The following TEX9 variants were observed in gnomAD, a reference collection of about 807,000 sequenced individuals.
The protein encoded by TEX9 is testis-expressed protein 9.
In TEX9, 74 loss-of-function variants were observed where a neutral mutation model predicts 59.6. The observed-to-expected ratio is 1.24, with a 90% confidence interval of 1.03 to 1.51. The LOEUF is 1.51. Among genes scored for constraint, TEX9 ranks in the 40% most tolerant of loss-of-function variants. The pLI is 0.00. For missense variants in TEX9, 522 were observed against 447.8 expected, an observed-to-expected ratio of 1.17 and a Z score of -1.49; for synonymous variants, 186 against 152.2, an observed-to-expected ratio of 1.22 and a Z score of -1.64.
chr15:56,269,715 T>C (rs2718937), intron 1 of TEX9, among the ~76,000 whole-genome samples: 146,812 of 149,780 alleles, frequency 0.98, 72,020 homozygotes, highest in Middle Eastern at 1. Flanking sequence ...TACAGAGGTG[T>C]GATGTCGGCT....
chr15:56,324,581 G>A (rs1226843244), intron 1 of TEX9, among the ~76,000 whole-genome samples: 1 of 152,188 alleles, frequency 6.6e-6, no homozygotes, highest in African/African-American at 2.4e-5. Context: ...TGTGGATTAT[G>A]TAGGAATATT....
chr15:56,252,454 G>A (rs987279100), intron 1 of TEX9, among the ~76,000 whole-genome samples: 1 of 124,228 alleles, frequency 8.0e-6, no homozygotes, highest in African/African-American at 3.1e-5. Flanking sequence ...TAATAAGAAA[G>A]CTCAATATCT....
chr15:56,353,206 G>C (rs1383083514), intron 1 of TEX9, among the ~76,000 whole-genome samples: 1 of 152,042 alleles, frequency 6.6e-6, no homozygotes, highest in Non-Finnish European at 1.5e-5. Context: ...ATATAAGCTT[G>C]TTTTAATTAA....
intron 1 of TEX9, among the ~76,000 whole-genome samples, chr15:56,304,790 A>G (rs2141587712): frequency 6.6e-6 from 1 of 152,218 alleles, no homozygotes; most frequent in East Asian, 1.9e-4. Flanking sequence ...TGGTGCAATC[A>G]TGGCTGACTG....
At chr15:56,283,799 T>C (rs2044876153) in intron 1 of TEX9, among the ~76,000 whole-genome samples, 1 of 151,866 alleles carries the variant, frequency 6.6e-6, no homozygotes, top group African/African-American at 2.4e-5. Flanking sequence ...AACATAAACC[T>C]GGAAGAAAAA....
At chr15:56,330,318 A>G (rs2046113907) in intron 1 of TEX9, among the ~76,000 whole-genome samples, 1 of 152,168 alleles carries the variant, frequency 6.6e-6, no homozygotes, top group African/African-American at 2.4e-5. Flanking sequence ...ACATTAATGA[A>G]CAAGAAGAAA....
intron 9 of TEX9, among the ~76,000 whole-genome samples, chr15:56,399,300 A>G (rs1406454298): frequency 1.3e-5 from 2 of 152,362 alleles, no homozygotes; most frequent in East Asian, 3.9e-4. Context: ...GCAGACAAGG[A>G]GATTCTCTCC....
chr15:56,368,030 G>T (rs751012825), intron 2 of TEX9, among the ~76,000 whole-genome samples: 1 of 152,132 alleles, frequency 6.6e-6, no homozygotes, highest in Non-Finnish European at 1.5e-5. Flanking sequence ...CTTCCCGTGT[G>T]ATATGGAATA....
At chr15:56,336,710 C>T (rs1290180144) in intron 1 of TEX9, among the ~76,000 whole-genome samples, 1 of 152,130 alleles carries the variant, frequency 6.6e-6, no homozygotes. Context: ...AATTGCAGTA[C>T]AGTTGCAACA....
intron 1 of TEX9, among the ~76,000 whole-genome samples, chr15:56,288,290 G>T (rs1294081254): frequency 6.6e-6 from 1 of 151,392 alleles, no homozygotes; most frequent in African/African-American, 2.4e-5. Context: ...TTACTAGTTC[G>T]CTTTTTACTA....
intron 1 of TEX9, among the ~76,000 whole-genome samples, chr15:56,297,562 T>C (rs1318449689): frequency 6.6e-6 from 1 of 152,226 alleles, no homozygotes; most frequent in East Asian, 1.9e-4. Flanking sequence ...TGGAGTGCAG[T>C]GGTGCGATCT....
At chr15:56,459,970 A>G in the TEX9 span, among the ~76,000 whole-genome samples, 1 of 129,100 alleles carries the variant, frequency 7.7e-6, no homozygotes, top group South Asian at 2.6e-4. Context: ...AGCCTGGGCA[A>G]CAAGAGCGAA....
chr15:56,317,675 T>C (rs1596084846), intron 1 of TEX9, among the ~76,000 whole-genome samples: 2 of 152,336 alleles, frequency 1.3e-5, no homozygotes, highest in South Asian at 2.1e-4. Context: ...TAGACATTTC[T>C]AAGTACAGCT....
intron 1 of TEX9, among the ~76,000 whole-genome samples, chr15:56,310,320 T>C (rs1230792654): frequency 6.6e-6 from 1 of 152,044 alleles, no homozygotes; most frequent in African/African-American, 2.4e-5. Context: ...TAATCCCAGC[T>C]ATTTGGGAGG....
At chr15:56,255,397 C>T (rs2044122719) in intron 1 of TEX9, among the ~76,000 whole-genome samples, 1 of 151,840 alleles carries the variant, frequency 6.6e-6, no homozygotes, top group African/African-American at 2.4e-5. Flanking sequence ...CATACACACA[C>T]ATATGGAACA....
the TEX9 span, among the ~76,000 whole-genome samples, chr15:56,457,896 CTT>C: frequency 0.28 from 42,370 of 151,526 alleles, 6,649 homozygotes; most frequent in Middle Eastern, 0.45. Context: ...GAAATGAAAA[CTT>C]TTTATTTAAA....
chr15:56,429,365 A>G, intron 12 of TEX9: 5 of 540,140 alleles, frequency 9.3e-6, no homozygotes, highest in Non-Finnish European at 1.6e-5. Flanking sequence ...AAGACTTTAC[A>G]TATATATTGA....
chr15:56,308,628 T>G lies in TEX9; in HGVS notation c.-107+64350T>G, dbSNP rs560938464. Among the ~76,000 whole-genome samples the G allele has an allele frequency of 8.0e-4, 122 of 152,292 alleles. 3 individuals carry two copies. The South Asian group carries it at 0.025, about 31-fold the overall frequency. ...TTTGGTATCATATCTAAGAAATCAT[T>G]CCTGATCCAAGGAATGTTTTTACTC... On this transcript the variant is annotated intron_variant, in intron 1 of 5. Transcript: ENST00000560827.
At chr15:56,426,135 C>T (rs1042571283) in intron 10 of TEX9, among the ~76,000 whole-genome samples, 15 of 152,194 alleles carry the variant, frequency 9.9e-5, no homozygotes, top group African/African-American at 3.1e-4. Context: ...CACCTGTTTC[C>T]GCAGCTTCCA....
Sources: gnomAD v4.1 joint callset for allele counts (sites outside exome capture counted in the v4.1 genomes callset) on GRCh38, gnomAD v4.1.1 for gene constraint, MANE v1.5 for transcripts, NCBI Gene and HGNC (gene_info 2026-07-23, HGNC 2026-07-21) for gene names.